Variants in NLGN1 observed in about 807,000 individuals in gnomAD.
The protein encoded by NLGN1 is neuroligin-1.
In NLGN1, 12 loss-of-function variants were observed where a neutral mutation model predicts 65.5. The ratio of observed to expected loss-of-function variants is 0.18; its 90% CI spans 0.12 to 0.30. The LOEUF (loss-of-function observed/expected upper bound fraction) is 0.30. Among genes scored for constraint, NLGN1 ranks in the 10% least tolerant of loss-of-function variants. NLGN1 has a pLI of 1.00. For synonymous variants in NLGN1, 350 were observed against 359.5 expected, an observed-to-expected ratio of 0.97 and a Z score of 0.30; for missense variants, 750 against 1,007.1, an observed-to-expected ratio of 0.74 and a Z score of 3.46.
chr3:173,512,236 G>A (rs755268940), intron 2 of NLGN1, among the ~76,000 whole-genome samples: 2 of 152,244 alleles, frequency 1.3e-5, no homozygotes, highest in Non-Finnish European at 2.9e-5. Flanking sequence ...AAGTGTCAGT[G>A]TGACAGCCTT....
chr3:173,847,326 C>T (rs1028798245), intron 4 of NLGN1, among the ~76,000 whole-genome samples: 2 of 152,148 alleles, frequency 1.3e-5, no homozygotes, highest in African/African-American at 4.8e-5. Flanking sequence ...TTATACATTA[C>T]TTAGATCTCT....
At chr3:173,775,691 G>T in intron 3 of NLGN1, among the ~76,000 whole-genome samples, 1 of 152,056 alleles carries the variant, frequency 6.6e-6, no homozygotes, top group Non-Finnish European at 1.5e-5. Context: ...GAAAGCATGT[G>T]CTTTTAGGTT....
chr3:173,890,506 T>C (rs746025044), intron 4 of NLGN1, among the ~76,000 whole-genome samples: 2 of 152,156 alleles, frequency 1.3e-5, no homozygotes, highest in Non-Finnish European at 2.9e-5. Flanking sequence ...TGAACCCTTT[T>C]CCCTGACCTC....
chr3:173,476,855 T>C (rs1435502994), intron 2 of NLGN1, among the ~76,000 whole-genome samples: 2 of 152,174 alleles, frequency 1.3e-5, no homozygotes, highest in African/African-American at 2.4e-5. Flanking sequence ...AAGAAAGATC[T>C]ACCATTCTCC....
chr3:173,832,169 G>T (rs953092749), intron 4 of NLGN1, among the ~76,000 whole-genome samples: 4 of 150,410 alleles, frequency 2.7e-5, no homozygotes, highest in African/African-American at 4.9e-5. Flanking sequence ...TCACTGTGTT[G>T]CCCAGTCTGG....
chr3:173,480,170 T>C (rs181895034), intron 2 of NLGN1, among the ~76,000 whole-genome samples: 34 of 152,168 alleles, frequency 2.2e-4, no homozygotes, highest in Middle Eastern at 3.4e-3. Context: ...TCCCCCCTTT[T>C]TTATTTGTAC....
chr3:173,646,058 A>G (rs145196341), intron 3 of NLGN1, among the ~76,000 whole-genome samples: 149 of 152,154 alleles, frequency 9.8e-4, no homozygotes, highest in Middle Eastern at 3.4e-3. Context: ...TCTGCCCCCT[A>G]TTCCCTGAGG....
At chr3:173,937,238 C>A (rs922959035) in intron 4 of NLGN1, among the ~76,000 whole-genome samples, 2 of 152,026 alleles carry the variant, frequency 1.3e-5, no homozygotes, top group African/African-American at 4.8e-5. Context: ...AGCTAATGAA[C>A]TCTGTGATGA....
At chr3:174,238,551 T>C (rs1195057375) in intron 4 of NLGN1, among the ~76,000 whole-genome samples, 3 of 152,178 alleles carry the variant, frequency 2.0e-5, no homozygotes, top group Middle Eastern at 3.4e-3. Flanking sequence ...TTAGTAGAGA[T>C]GGGGTTTTAC....
At chr3:174,029,723 C>T (rs1729556027) in intron 4 of NLGN1, among the ~76,000 whole-genome samples, 1 of 152,106 alleles carries the variant, frequency 6.6e-6, no homozygotes, top group Admixed American at 6.5e-5. Flanking sequence ...AAGGGTGGGG[C>T]CAGGTGGAGA....
intron 4 of NLGN1, among the ~76,000 whole-genome samples, chr3:174,206,383 A>G (rs759737880): frequency 6.6e-6 from 1 of 152,302 alleles, no homozygotes; most frequent in South Asian, 2.1e-4. Flanking sequence ...AAGCAGATCA[A>G]TCCTTGGCAA....
At chr3:173,909,889 G>T (rs1739236927) in intron 4 of NLGN1, among the ~76,000 whole-genome samples, 1 of 152,072 alleles carries the variant, frequency 6.6e-6, no homozygotes, top group Non-Finnish European at 1.5e-5. Context: ...CGTTGGTCAG[G>T]CTGGTCTCAA....
intron 4 of NLGN1, among the ~76,000 whole-genome samples, chr3:173,937,716 C>T (rs985891647): frequency 2.6e-5 from 4 of 152,072 alleles, no homozygotes; most frequent in Non-Finnish European, 5.9e-5. Context: ...TCATCTGTAA[C>T]ATCTTTGCAT....
intron 3 of NLGN1, among the ~76,000 whole-genome samples, chr3:173,611,858 TATGCCACC>T (rs1281791528): frequency 6.6e-6 from 1 of 152,082 alleles, no homozygotes; most frequent in Non-Finnish European, 1.5e-5. Flanking sequence ...ATTTAAGATT[TATGCCACC>T]AGCAGAAAGA....
At chr3:174,289,846 C>G (rs1752530254), downstream of NLGN1, among the ~76,000 whole-genome samples, 1 of 148,882 alleles carries the variant, frequency 6.7e-6, no homozygotes, top group Admixed American at 6.8e-5. Flanking sequence ...ATATGTCATT[C>G]ATGTGTAAAC....
intron 4 of NLGN1, among the ~76,000 whole-genome samples, chr3:174,224,420 C>T (rs1453321161): frequency 3.9e-5 from 6 of 152,168 alleles, no homozygotes; most frequent in South Asian, 2.1e-4. Context: ...GAAATCTGGC[C>T]GGGCGTGATG....
intron 4 of NLGN1, among the ~76,000 whole-genome samples, chr3:174,240,789 A>G (rs868580673): frequency 1.3e-5 from 2 of 152,200 alleles, no homozygotes; most frequent in African/African-American, 4.8e-5. Flanking sequence ...CACATGTTAT[A>G]TGTAAGAGAA....
At chr3:173,629,843 G>A (rs1755404567) in intron 3 of NLGN1, among the ~76,000 whole-genome samples, 1 of 152,076 alleles carries the variant, frequency 6.6e-6, no homozygotes, top group Non-Finnish European at 1.5e-5. Flanking sequence ...CCACTTCAGA[G>A]TTTATCAGAC....
At chr3:173,409,871 C>G (rs1712145374) in intron 1 of NLGN1, among the ~76,000 whole-genome samples, 1 of 152,122 alleles carries the variant, frequency 6.6e-6, no homozygotes, top group South Asian at 2.1e-4. Flanking sequence ...CTAGTGAGAA[C>G]AAGCCTAGGT....
Sources: gnomAD v4.1 joint callset for allele counts (sites outside exome capture counted in the v4.1 genomes callset) on GRCh38, gnomAD v4.1.1 for gene constraint, MANE v1.5 for transcripts, NCBI Gene and HGNC (gene_info 2026-07-23, HGNC 2026-07-21) for gene names.